Variants in TTPAL observed in about 807,000 individuals in gnomAD.
TTPAL encodes alpha tocopherol transfer protein like, also known as alpha-tocopherol transfer protein-like.
Under a neutral mutation model 28.7 loss-of-function variants are expected in TTPAL, and 21 were observed. The observed-to-expected ratio is 0.73, with a 90% CI of 0.52 to 1.06. The LOEUF (loss-of-function observed/expected upper bound fraction) is 1.06, where lower values mean the gene tolerates loss of function less well. Ranked by LOEUF, TTPAL falls within the 50% of genes least tolerant of loss-of-function variation. TTPAL has a pLI of 0.00. For missense variants in TTPAL, 345 were observed against 425.5 expected (o/e 0.81, Z 1.67); for synonymous variants, 169 against 171.9 (o/e 0.98, Z 0.13).
At chr20:44,482,693 G>A (rs2064117436) in intron 2 of TTPAL, among the ~76,000 whole-genome samples, 1 of 151,964 alleles carries the variant, frequency 6.6e-6, no homozygotes, top group African/African-American at 2.4e-5. Context: ...GAGAACAGTG[G>A]TTAACAGTAA....
In TTPAL at chr20:44,475,928, T is replaced by C. The variant is rs1430910919; in HGVS notation, c.-79T>C. ...CCGGGCAGGGAGTGCGGGTCGGTTC[T>C]GCGTGCGCTGCCGGACGAGGCTCCC... On this transcript the variant is annotated 5_prime_UTR_variant, in exon 1 of 5. Transcript: ENST00000262605. The C allele has an allele frequency of 6.6e-6, 1 of 152,268 alleles. No individual in the cohort carries two copies. Among genetic ancestry groups the C allele is most frequent in the Non-Finnish European group, 1.5e-5 (1 of 68,056 alleles). 9.4% of individuals were successfully genotyped at this position (152,268 alleles called of 1,614,324 possible). A position where few individuals can be genotyped will look rare whatever the true frequency, so the allele number is the denominator to read the frequency against.
rs1325587512 is a variant in TTPAL at position 44,492,795 on chromosome 20, A to G, written c.*3254A>G. 1 of 152,368 alleles carries G rather than the reference A, an allele frequency of 6.6e-6. No individual in the cohort carries two copies. Among genetic ancestry groups the G allele is most frequent in the Non-Finnish European group, 1.5e-5 (1 of 68,046 alleles). The allele number at this position is 152,368 out of a possible 1,614,324, so 9.4% of individuals were successfully genotyped here. A position where few individuals can be genotyped will look rare whatever the true frequency, so the allele number is the denominator to read the frequency against. ...CTGGATGAAATCTACAAAAACAGCC[A>G]AAAGTGCCACCCTGGCTTCATGTCT... is the stretch of plus-strand genomic sequence containing the variant. On this transcript the variant is annotated 3_prime_UTR_variant, in exon 5 of 5. Transcript: ENST00000262605.
At position 44,493,056 on chromosome 20, in the gene TTPAL, G is replaced by C. The variant is rs896116818; in HGVS notation, c.*3515G>C. 1 of 152,312 alleles carries C rather than the reference G, an allele frequency of 6.6e-6. No individual in the cohort carries two copies. The highest frequency in any genetic ancestry group is 2.4e-5 in the African/African-American group (1 of 41,434). 9.4% of individuals were successfully genotyped at this position (152,312 alleles called of 1,614,324 possible). A position where few individuals can be genotyped will look rare whatever the true frequency, so the allele number is the denominator to read the frequency against. ...CCAACACTTTGAGCGGCTGAGGTGG[G>C]TGTATCACCTGAAGTCCGGAGTTTG... On this transcript the variant is annotated 3_prime_UTR_variant, in exon 5 of 5. Transcript: ENST00000262605.
chr20:44,479,001 G>T (rs1258327411), intron 1 of TTPAL, among the ~76,000 whole-genome samples: 1 of 152,198 alleles, frequency 6.6e-6, no homozygotes, highest in African/African-American at 2.4e-5. Context: ...GCGTTAGCGA[G>T]GATGGTCTCG....
chr20:44,486,108 GTCCAGGCTGTCA>G (rs1555825826), intron 3 of TTPAL: 2 of 151,744 alleles, frequency 1.3e-5, no homozygotes, highest in Non-Finnish European at 2.9e-5. Flanking sequence ...TTGAGATGGA[GTCCAGGCTGTCA>G]TCCAGGCTGG....
intron 1 of TTPAL, 117 bp from the exon 2 acceptor site, chr20:44,479,865 GAGA>G: frequency 1.2e-6 from 1 of 831,214 alleles, no homozygotes. Flanking sequence ...GCCCCCAGTT[GAGA>G]AACACTGCCC....
rs766550830 is a variant in TTPAL, at chr20:44,489,243, T to C, written c.751-20T>C. ...TGATTAACCTAAGGACATGTGTGTT[T>C]TCATTTCATTCCCTTTTAGTTCTTC... On this transcript the variant is annotated intron_variant, in intron 4 of 4. Coordinates refer to ENST00000262605, the MANE Select transcript of TTPAL (RefSeq NM_001039199.3). 6.2e-7 allele frequency: 1 copy of C among 1,604,728 alleles called. No homozygotes were observed. The highest frequency in any genetic ancestry group is 1.1e-5 in the South Asian group (1 of 90,498).
rs1159812065 is a variant in TTPAL, at chr20:44,480,634, C to T, written c.445+190C>T. On this transcript the variant is annotated intron_variant, in intron 2 of 4. Transcript: ENST00000262605. This position sits in a 1 kb window ranked among gnomAD's most constrained non-coding sequence, Gnocchi z 4.1. The stretch of plus-strand genomic sequence containing the variant: ...AAAGGGAGGATTTAGTCGAAGGAGA[C>T]AGGAGTCCCTCCCAGAACCAGAGAG... Among the ~76,000 whole-genome samples, 1 of 152,170 alleles carries T rather than the reference C, an allele frequency of 6.6e-6. No homozygotes were observed. The highest frequency in any genetic ancestry group is 1.5e-5 in the Non-Finnish European group (1 of 68,034).
At chr20:44,487,759 C>G (rs1456614437) in intron 4 of TTPAL, among the ~76,000 whole-genome samples, 1 of 152,108 alleles carries the variant, frequency 6.6e-6, no homozygotes, top group Admixed American at 6.5e-5. Flanking sequence ...AGACTGGGCC[C>G]TGAATTTTAC....
At chr20:44,478,803 T>C (rs1283262305) in intron 1 of TTPAL, among the ~76,000 whole-genome samples, 4 of 151,132 alleles carry the variant, frequency 2.6e-5, no homozygotes, top group African/African-American at 9.9e-5. Flanking sequence ...TTTTGTTTGT[T>C]TGTTTTGAGA....
In TTPAL at chr20:44,479,970, C is replaced by T; in HGVS notation, c.-15-15C>T. ...AAGCACTTGTTAACTTTGCTTAGGGCTTCTCTGTTGGCAGGGACCTTGGTA... is the reference window on the plus strand; with the variant it reads ...AAGCACTTGTTAACTTTGCTTAGGGTTTCTCTGTTGGCAGGGACCTTGGTA... On this transcript the variant is annotated splice_polypyrimidine_tract_variant and intron_variant, in intron 1 of 4. Transcript: ENST00000262605. 1.9e-6 allele frequency: 3 copies of T among 1,599,412 alleles called. No homozygotes were observed. In the South Asian group the frequency reaches 3.4e-5, roughly 18 times the overall value.
rs539795145 is a variant in TTPAL at position 44,483,405 on chromosome 20, T to C, written c.446-932T>C. Among the ~76,000 whole-genome samples the C allele has an allele frequency of 1.4e-3, 206 of 152,112 alleles. 1 individual carries two copies. Among genetic ancestry groups the C allele is most frequent in the Non-Finnish European group, 2.0e-3 (133 of 68,030 alleles). On this transcript the variant is annotated intron_variant, in intron 2 of 4. Transcript: ENST00000262605. ...AAAACTACAAGAGGGAAGACAGAAC[T>C]CTTTCCAAAGGGCCAGGGGTCCTAG...
Position 44,491,261 on chromosome 20 carries a change from T to A in TTPAL, c.*1720T>A, listed in dbSNP as rs1451471518. Reference sequence around the variant, plus strand: ...ATTTCAGCACTTTAGAACCTCCCTGTGAAGATTTTAGCCTTAGCCCAAACA... The same window carrying A: ...ATTTCAGCACTTTAGAACCTCCCTGAGAAGATTTTAGCCTTAGCCCAAACA... On this transcript the variant is annotated 3_prime_UTR_variant, in exon 5 of 5. Transcript: ENST00000262605. 1 of 152,060 alleles carries A rather than the reference T, an allele frequency of 6.6e-6. No individual in the cohort carries two copies. The highest frequency in any genetic ancestry group is 1.5e-5 in the Non-Finnish European group (1 of 67,976). 9.4% of individuals were successfully genotyped at this position (152,060 alleles called of 1,614,324 possible).
At chr20:44,479,242 G>A (rs1480892578) in intron 1 of TTPAL, among the ~76,000 whole-genome samples, 3 of 151,980 alleles carry the variant, frequency 2.0e-5, no homozygotes, top group South Asian at 2.1e-4. Context: ...ATATATACAA[G>A]TATATGTCCT....
At position 44,484,437 on chromosome 20, in the gene TTPAL, A is replaced by T; in HGVS notation, c.546A>T (p.Gly182=). 6.2e-7 allele frequency: 1 copy of T among 1,608,084 alleles called. No homozygotes were observed. The highest frequency in any genetic ancestry group is 8.5e-7 in the Non-Finnish European group (1 of 1,174,806). ...LIQSEETQVN[G]IVILADYKGV... is the part of the protein sequence containing the mutation. ...AGTCTGAAGAAACCCAGGTGAATGG[A>T]ATTGTAATTCTTGCAGACTACAAAG... Residue 182 remains glycine, a synonymous_variant, in exon 3 of 5, where the codon GGA becomes GGT. Transcript: ENST00000262605.
rs1003294049 is a variant in TTPAL at position 44,475,903 on chromosome 20, C to G, written c.-104C>G. The G allele has an allele frequency of 1.3e-5, 2 of 152,252 alleles. No homozygotes were observed. Among genetic ancestry groups the G allele is most frequent in the African/African-American group, 4.8e-5 (2 of 41,470 alleles). 9.4% of individuals were successfully genotyped at this position (152,252 alleles called of 1,614,324 possible). ...CTTCCGGCGCGAGAGGCCGGGCAGG[C>G]CGGGCAGGGAGTGCGGGTCGGTTCT... On this transcript the variant is annotated 5_prime_UTR_variant, in exon 1 of 5. Transcript: ENST00000262605.
chr20:44,477,812 GC>G (rs1434126886), intron 1 of TTPAL, among the ~76,000 whole-genome samples: 1 of 151,908 alleles, frequency 6.6e-6, no homozygotes. Context: ...GCACCACCAT[GC>G]CTGGCTAATT....
At chr20:44,482,565 T>C (rs2122831042) in intron 2 of TTPAL, among the ~76,000 whole-genome samples, 3 of 142,636 alleles carry the variant, frequency 2.1e-5, no homozygotes, top group African/African-American at 8.0e-5. Flanking sequence ...AGGGCAAGAC[T>C]CTGTCTCAAA....
At chr20:44,479,399 GTTTTTTTTTTTTT>G (rs869123576) in intron 1 of TTPAL, among the ~76,000 whole-genome samples, 5 of 81,558 alleles carry the variant, frequency 6.1e-5, no homozygotes, top group African/African-American at 1.8e-4. Context: ...AATCTGAGTT[GTTTTTTTTTTTTT>G]TTTTTTTTTT....
Sources: allele counts gnomAD v4.1 joint callset (sites outside exome capture counted in the v4.1 genomes callset), GRCh38; gene constraint gnomAD v4.1.1; non-coding constraint Gnocchi (gnomAD v3.1); transcripts MANE v1.5; gene names NCBI Gene and HGNC (gene_info 2026-07-23, HGNC 2026-07-21).